RFX6: variants seen among roughly 807,000 people sequenced by gnomAD.
RFX6 encodes regulatory factor X6, also known as DNA-binding protein RFX6.
RFX6 carries 50 observed loss-of-function variants against 110.8 expected under a neutral mutation model. The ratio of observed to expected loss-of-function variants is 0.45; its 90% CI spans 0.36 to 0.57. The LOEUF (loss-of-function observed/expected upper bound fraction) is 0.57. Among genes scored for constraint, RFX6 ranks in the 20% least tolerant of loss-of-function variants. The pLI, the probability that RFX6 is intolerant of heterozygous loss-of-function variation, is 0.00. For missense variants in RFX6, 990 were observed against 1,127.0 expected (o/e 0.88, Z 1.74); for synonymous variants, 383 against 411.2 (o/e 0.93, Z 0.83).
At chr6:116,920,545 A>T in intron 12 of RFX6, 91 bp downstream of exon 12, 1 of 1,052,380 alleles carries the variant, frequency 9.5e-7, no homozygotes, top group Non-Finnish European at 1.5e-6. Context: ...GAGCCTGTCC[A>T]GTGTGCTGTA....
intron 4 of RFX6, among the ~76,000 whole-genome samples, chr6:116,883,266 A>G (rs989068241): frequency 6.6e-6 from 1 of 152,084 alleles, no homozygotes; most frequent in Admixed American, 6.6e-5. Flanking sequence ...CCTGCTTAGC[A>G]TTTGAACCAA....
chr6:116,914,051 T>C (rs1775412037), intron 7 of RFX6, among the ~76,000 whole-genome samples: 1 of 152,196 alleles, frequency 6.6e-6, no homozygotes, highest in South Asian at 2.1e-4. Flanking sequence ...TGTGTATTTG[T>C]ACCCATTAAT....
At chr6:116,919,747 C>G (rs989615309) in intron 11 of RFX6, among the ~76,000 whole-genome samples, 2 of 152,164 alleles carry the variant, frequency 1.3e-5, no homozygotes, top group South Asian at 4.1e-4. Flanking sequence ...ACAAACTCAA[C>G]ACATTTTAAA....
Position 116,919,125 on chromosome 6 carries a change from C to A in RFX6, c.1023-12C>A. 6.2e-7 allele frequency: 1 copy of A among 1,610,040 alleles called. No homozygotes were observed. Among genetic ancestry groups the A allele is most frequent in the Middle Eastern group, 1.7e-4 (1 of 6,048 alleles). The stretch of plus-strand genomic sequence containing the variant: ...TAACAATGAAGCATTTAACACATAG[C>A]CTTCTTTGTAGCTTATTAGCAGACA... On this transcript the variant is annotated splice_polypyrimidine_tract_variant and intron_variant, in intron 10 of 18. Transcript: ENST00000332958.
Position 116,931,460 on chromosome 6 carries a change from C to T in RFX6, c.2741C>T (p.Pro914Leu), listed in dbSNP as rs1276262386. ...TSSREMVSSL[P>L]PINTVFMGTA... is the part of the protein sequence containing the mutation. ...AGTAGAGAAATGGTGTCCTCTTTACCACCTATCAACACTGTGTTCATGGGA... is the reference window on the plus strand; with the variant it reads ...AGTAGAGAAATGGTGTCCTCTTTACTACCTATCAACACTGTGTTCATGGGA... Residue 914 changes from proline (P) to leucine (L), a missense_variant, in exon 19 of 19, where the codon CCA (proline) becomes CTA (leucine). Pro to Leu is a moderately conservative substitution (Grantham distance 98). Coordinates refer to ENST00000332958, the MANE Select transcript of RFX6 (RefSeq NM_173560.4). 6.2e-7 allele frequency: 1 copy of T among 1,613,468 alleles called. No individual in the cohort carries two copies. Among genetic ancestry groups the T allele is most frequent in the African/African-American group, 1.3e-5 (1 of 75,016 alleles).
At chr6:116,880,920 C>T (rs1436663218) in intron 3 of RFX6, among the ~76,000 whole-genome samples, 1 of 151,974 alleles carries the variant, frequency 6.6e-6, no homozygotes, top group Non-Finnish European at 1.5e-5. Context: ...CATTTGCCTT[C>T]AAAGAGGGAT....
At chr6:116,878,025 T>G in intron 2 of RFX6, 73 bp downstream of exon 2, 1 of 1,435,900 alleles carries the variant, frequency 7.0e-7, no homozygotes, top group Non-Finnish European at 9.7e-7. Context: ...GGATCTTTGA[T>G]TTTCACAATT....
intron 6 of RFX6, among the ~76,000 whole-genome samples, chr6:116,905,195 G>A (rs1283359952): frequency 6.6e-6 from 1 of 152,062 alleles, no homozygotes; most frequent in Non-Finnish European, 1.5e-5. Context: ...TATTTTTGCT[G>A]GCGTGTGTTT....
In RFX6 at chr6:116,927,265, G is replaced by A. The variant is rs763266187; in HGVS notation, c.2124G>A (p.Arg708=). The A allele has an allele frequency of 8.7e-6, 14 of 1,614,104 alleles. No homozygotes were observed. The highest frequency in any genetic ancestry group is 3.3e-5 in the South Asian group (3 of 91,076). Residue 708 remains arginine, a synonymous_variant, in exon 17 of 19, where the codon AGG becomes AGA. Transcript: ENST00000332958. Reference sequence around the variant, plus strand: ...GCTCTAACTACCAGACTGTGTTTAGGGCACAGCCCCACTCCACATCAGGAC... The same window carrying A: ...GCTCTAACTACCAGACTGTGTTTAGAGCACAGCCCCACTCCACATCAGGAC... ...STSSNYQTVF[R]AQPHSTSGLY... is the part of the protein sequence containing the mutation.
At chr6:116,915,688 ATT>A in intron 7 of RFX6, among the ~76,000 whole-genome samples, 2 of 152,030 alleles carry the variant, frequency 1.3e-5, no homozygotes, top group Non-Finnish European at 2.9e-5. Context: ...ATTTTAAAAA[ATT>A]TAAATTTAAA....
At chr6:116,926,274 T>C (rs1775730204) in intron 16 of RFX6, among the ~76,000 whole-genome samples, 1 of 151,970 alleles carries the variant, frequency 6.6e-6, no homozygotes, top group African/African-American at 2.4e-5. Flanking sequence ...GTGACGAGAG[T>C]GAAGCTCCAT....
In RFX6 at chr6:116,932,003, C is replaced by G. The variant is rs999177023; in HGVS notation, c.*497C>G. 6.4e-6 allele frequency: 1 copy of G among 157,418 alleles called. No individual in the cohort carries two copies. The highest frequency in any genetic ancestry group is 2.4e-5 in the African/African-American group (1 of 41,464). 9.8% of individuals were successfully genotyped at this position (157,418 alleles called of 1,614,324 possible). On this transcript the variant is annotated 3_prime_UTR_variant, in exon 19 of 19. Transcript: ENST00000332958. ...AGGTCAAGACTTAATTCAATTCAGA[C>G]AAGACCAAAGTTGCTTGACTTCAAT...
At position 116,891,192 on chromosome 6, in the gene RFX6, T is replaced by C. The variant is rs529184488; in HGVS notation, c.567-2795T>C. On this transcript the variant is annotated intron_variant, in intron 4 of 18. Transcript: ENST00000332958. The stretch of plus-strand genomic sequence containing the variant: ...TATTCCTGATCAGATTTTCAATGTC[T>C]GTTTTGTTCATCATTGTACTGACAA... Among the ~76,000 whole-genome samples the C allele has an allele frequency of 2.0e-5, 3 of 152,352 alleles. No individual in the cohort carries two copies. In the East Asian group the frequency reaches 5.8e-4, roughly 29 times the overall value.
intron 3 of RFX6, among the ~76,000 whole-genome samples, chr6:116,881,440 G>A (rs1774588147): frequency 6.6e-6 from 1 of 151,890 alleles, no homozygotes; most frequent in African/African-American, 2.4e-5. Context: ...AGAAAATAAT[G>A]AATACTACAG....
intron 17 of RFX6, among the ~76,000 whole-genome samples, chr6:116,927,743 C>CTTTTTTTTTTTTTTTTTTTTTTTTTTTTT (rs60638457): frequency 2.5e-5 from 3 of 119,558 alleles, no homozygotes; most frequent in African/African-American, 6.4e-5. Flanking sequence ...GCCCTTCTTC[C>CTTTTTTTTTTTTTTTTTTTTTTTTTTTTT]TTTTTTTTTT....
intron 14 of RFX6, chr6:116,923,459 G>A (rs992875562): frequency 1.7e-5 from 9 of 528,342 alleles, no homozygotes; most frequent in African/African-American, 5.7e-5. Flanking sequence ...TTGAAGAAGG[G>A]GAAGAATATT....
chr6:116,899,856 T>A (rs1421104813), intron 6 of RFX6, among the ~76,000 whole-genome samples: 1 of 152,130 alleles, frequency 6.6e-6, no homozygotes, highest in East Asian at 1.9e-4. Flanking sequence ...AAAAGCATCA[T>A]ATGCAAAATT....
intron 12 of RFX6, among the ~76,000 whole-genome samples, 191 bp from the exon 13 acceptor site, chr6:116,921,851 A>C (rs1178966018): frequency 6.6e-6 from 1 of 152,046 alleles, no homozygotes; most frequent in African/African-American, 2.4e-5. Context: ...ACCATTGAAG[A>C]GTACAGTACT....
At position 116,923,532 on chromosome 6, in the gene RFX6, A is replaced by G. The variant is rs1775647637; in HGVS notation, c.1555+308A>G. On this transcript the variant is annotated intron_variant, in intron 14 of 18. Transcript: ENST00000332958. ...TGTATATAAAAACAAATTGCCTAGC[A>G]CTCAGGAAATGCTTAATGCATAGCA... 8.4e-6 allele frequency: 3 copies of G among 356,668 alleles called. No homozygotes were observed. The South Asian group carries it at 9.0e-5, about 11-fold the overall frequency. The allele number at this position is 356,668 out of a possible 1,614,324, so 22.1% of individuals were successfully genotyped here.
Sources: allele counts gnomAD v4.1 joint callset (sites outside exome capture counted in the v4.1 genomes callset), GRCh38; gene constraint gnomAD v4.1.1; transcripts MANE v1.5; gene names NCBI Gene and HGNC (gene_info 2026-07-23, HGNC 2026-07-21).